RSL1D1: variants seen among roughly 807,000 people sequenced by gnomAD.
RSL1D1 encodes the protein ribosomal L1 domain containing 1, also known as ribosomal L1 domain-containing protein 1.
RSL1D1 carries 34 observed loss-of-function variants against 44.6 expected under a neutral mutation model. That is an observed-to-expected ratio of 0.76 (90% CI 0.58 to 1.02). The LOEUF is 1.02. RSL1D1 is among the 50% of genes least tolerant of loss of function. The pLI is 0.00. For synonymous variants in RSL1D1, 271 were observed against 207.4 expected (o/e 1.31, Z -2.63); for missense variants, 767 against 568.1 (o/e 1.35, Z -3.56).
chr16:11,845,638 C>T (rs889699578), intron 5 of RSL1D1, among the ~76,000 whole-genome samples: 1 of 152,154 alleles, frequency 6.6e-6, no homozygotes, highest in Non-Finnish European at 1.5e-5. Context: ...ACAAATAGTG[C>T]CTACTGTATG....
intron 5 of RSL1D1, 52 bp downstream of exon 5, chr16:11,846,449 T>A: frequency 1.1e-6 from 1 of 945,908 alleles, no homozygotes; most frequent in Non-Finnish European, 1.6e-6. Flanking sequence ...ATATATAAAA[T>A]CATTGTCAAA....
In RSL1D1 at chr16:11,841,825, A is replaced by G. The variant is rs775463016; in HGVS notation, c.730-5T>C. The G allele has an allele frequency of 1.2e-6, 2 of 1,612,718 alleles. No homozygotes were observed. The highest frequency in any genetic ancestry group is 1.7e-6 in the Non-Finnish European group (2 of 1,179,654). ...GAGTTTCACGCTCTCCCACTTCTGAAACAAAGAAAAGAGTAACATCGTCTA... is the reference window on the plus strand; with the variant it reads ...GAGTTTCACGCTCTCCCACTTCTGAGACAAAGAAAAGAGTAACATCGTCTA... On this transcript the variant is annotated splice_region_variant and splice_polypyrimidine_tract_variant and intron_variant, in intron 6 of 8. Coordinates refer to ENST00000571133, the MANE Select transcript of RSL1D1 (RefSeq NM_015659.3).
intron 8 of RSL1D1, among the ~76,000 whole-genome samples, chr16:11,838,906 C>T (rs1342081436): frequency 6.6e-6 from 1 of 150,550 alleles, no homozygotes; most frequent in Non-Finnish European, 1.5e-5. Flanking sequence ...TCTTCCTGGT[C>T]CAATCAGAGG....
intron 5 of RSL1D1, among the ~76,000 whole-genome samples, chr16:11,842,418 G>T (rs1455739259): frequency 6.6e-6 from 1 of 152,098 alleles, no homozygotes; most frequent in Non-Finnish European, 1.5e-5. Context: ...TTTGAGACAG[G>T]GTTTTCCTGT....
intron 8 of RSL1D1, 137 bp downstream of exon 8, chr16:11,839,558 T>C (rs2053748838): frequency 7.2e-6 from 4 of 552,910 alleles, no homozygotes; most frequent in Non-Finnish European, 1.2e-5. Flanking sequence ...GTACAATAAA[T>C]CATGATATGA....
intron 5 of RSL1D1, among the ~76,000 whole-genome samples, chr16:11,843,102 T>C (rs2053774282): frequency 1.3e-5 from 2 of 151,030 alleles, no homozygotes. Context: ...TTTGTATTTT[T>C]TTTTTTTTTT....
chr16:11,851,261 G>A (rs2053835421), intron 1 of RSL1D1, 147 bp downstream of exon 1: 2 of 755,684 alleles, frequency 2.6e-6, no homozygotes, highest in African/African-American at 1.7e-5. Context: ...GTGTAAAGGG[G>A]AGAGACAGCT....
Position 11,837,420 on chromosome 16 carries a change from G to C in RSL1D1, c.*367C>G, listed in dbSNP as rs2053729392. On this transcript the variant is annotated 3_prime_UTR_variant, in exon 9 of 9. Coordinates refer to ENST00000571133, the MANE Select transcript of RSL1D1 (RefSeq NM_015659.3). ...CTCTGTCATCAGGCTGGAGTGCAGT[G>C]GCTCACTGCAACCTCCGCCTCCCAG... 5.7e-6 allele frequency: 1 copy of C among 175,092 alleles called. No individual in the cohort carries two copies. The highest frequency in any genetic ancestry group is 5.7e-5 in the Admixed American group (1 of 17,572). The allele number at this position is 175,092 out of a possible 1,614,324, so 10.8% of individuals were successfully genotyped here.
chr16:11,840,058 C>T (rs956057159), intron 7 of RSL1D1, 73 bp from the exon 8 acceptor site: 65 of 1,550,262 alleles, frequency 4.2e-5, no homozygotes, highest in East Asian at 6.7e-5. Flanking sequence ...AGATGTACCA[C>T]GTGCAGTTTT....
intron 2 of RSL1D1, among the ~76,000 whole-genome samples, chr16:11,848,293 A>C (rs1793313658): frequency 6.6e-6 from 1 of 152,178 alleles, no homozygotes; most frequent in African/African-American, 2.4e-5. Context: ...TTTCAATGGC[A>C]AGTAAATCAC....
At chr16:11,841,874 G>T in intron 6 of RSL1D1, 33 bp downstream of exon 6, 1 of 1,611,346 alleles carries the variant, frequency 6.2e-7, no homozygotes, top group Non-Finnish European at 8.5e-7. Flanking sequence ...TCTTTTAAAT[G>T]AACAATCAAT....
At chr16:11,849,103 C>T (rs564970814) in intron 2 of RSL1D1, among the ~76,000 whole-genome samples, 4 of 152,108 alleles carry the variant, frequency 2.6e-5, no homozygotes, top group African/African-American at 9.6e-5. Flanking sequence ...AGAATTGAAA[C>T]AGCCCAGGCA....
At chr16:11,850,521 CCTT>C (rs1272445881) in intron 1 of RSL1D1, 103 bp from the exon 2 acceptor site, 12 of 1,207,096 alleles carry the variant, frequency 9.9e-6, no homozygotes, top group Non-Finnish European at 6.9e-6. Context: ...CCCTCCCACA[CCTT>C]CTATTTTTTC....
chr16:11,848,685 G>C (rs1357149321), intron 2 of RSL1D1, among the ~76,000 whole-genome samples: 1 of 152,148 alleles, frequency 6.6e-6, no homozygotes, highest in African/African-American at 2.4e-5. Context: ...GTAGAGACAG[G>C]GTTTCGCCAC....
At chr16:11,841,620 TG>T in intron 7 of RSL1D1, 74 bp downstream of exon 7, 2 of 1,373,432 alleles carry the variant, frequency 1.5e-6, no homozygotes, top group East Asian at 2.3e-5. Flanking sequence ...GCAGCGATGA[TG>T]GTCTACTTCT....
chr16:11,840,114 A>C (rs2053755066), intron 7 of RSL1D1, 129 bp from the exon 8 acceptor site: 1 of 1,405,178 alleles, frequency 7.1e-7, no homozygotes, highest in East Asian at 2.3e-5. Context: ...TACAGAGAAC[A>C]AACTCCCTAA....
intron 5 of RSL1D1, among the ~76,000 whole-genome samples, chr16:11,845,902 T>C (rs1349887500): frequency 6.6e-6 from 1 of 151,718 alleles, no homozygotes; most frequent in African/African-American, 2.4e-5. Flanking sequence ...TCTTGATTTT[T>C]CTGTAATTGG....
intron 7 of RSL1D1, among the ~76,000 whole-genome samples, chr16:11,840,486 G>C (rs1029630432): frequency 6.6e-6 from 1 of 152,124 alleles, no homozygotes; most frequent in African/African-American, 2.4e-5. Context: ...AGAATCATTT[G>C]AACCTGGAAG....
chr16:11,842,703 T>A (rs1008784935), intron 5 of RSL1D1, among the ~76,000 whole-genome samples: 2 of 151,950 alleles, frequency 1.3e-5, no homozygotes, highest in Non-Finnish European at 2.9e-5. Context: ...GATTATCATC[T>A]TTCATGTACT....
Sources: gnomAD v4.1 joint callset for allele counts (sites outside exome capture counted in the v4.1 genomes callset) on GRCh38, gnomAD v4.1.1 for gene constraint, MANE v1.5 for transcripts, NCBI Gene and HGNC (gene_info 2026-07-23, HGNC 2026-07-21) for gene names.